PTK2B: variants seen among roughly 807,000 people sequenced by gnomAD.
PTK2B encodes the protein protein tyrosine kinase 2 beta.
A neutral mutation model predicts 142.9 loss-of-function variants in PTK2B; 71 were observed. That is an observed-to-expected ratio of 0.50 (90% confidence interval 0.41 to 0.61). PTK2B has a LOEUF of 0.61. PTK2B is among the 20% of genes least tolerant of loss of function. The pLI, the probability that PTK2B is intolerant of heterozygous loss-of-function variation, is 0.00. For synonymous variants in PTK2B, 519 were observed against 503.4 expected (o/e 1.03, Z -0.42); for missense variants, 1,105 against 1,320.4 (o/e 0.84, Z 2.53).
chr8:27,387,499 C>A (rs1306852650), intron 1 of PTK2B, among the ~76,000 whole-genome samples: 1 of 152,222 alleles, frequency 6.6e-6, no homozygotes, highest in Non-Finnish European at 1.5e-5. Context: ...ATCCATCCTG[C>A]GTTCCCATGA....
At chr8:27,374,020 A>G (rs1806515898) in intron 1 of PTK2B, among the ~76,000 whole-genome samples, 1 of 151,950 alleles carries the variant, frequency 6.6e-6, no homozygotes, top group South Asian at 2.1e-4. Context: ...CCAAGCAGAG[A>G]CCAAAGCAGT....
intron 5 of PTK2B, among the ~76,000 whole-genome samples, chr8:27,424,150 G>T (rs888229822): frequency 1.3e-5 from 2 of 151,964 alleles, no homozygotes; most frequent in Admixed American, 1.3e-4. Context: ...TTTATTTATG[G>T]ATCTCATACC....
intron 1 of PTK2B, chr8:27,380,569 T>C (rs1350879455): frequency 2.6e-5 from 4 of 152,206 alleles, no homozygotes; most frequent in Non-Finnish European, 4.4e-5. Flanking sequence ...AGCGCCTTTT[T>C]TCCCAATAAA....
chr8:27,357,576 T>C (rs897630556), intron 1 of PTK2B, among the ~76,000 whole-genome samples: 1 of 152,240 alleles, frequency 6.6e-6, no homozygotes, highest in Non-Finnish European at 1.5e-5. Context: ...GGAAATTGGG[T>C]CTCTTGTTGT....
chr8:27,420,937 C>T (rs1330153994), intron 4 of PTK2B, among the ~76,000 whole-genome samples, 193 bp downstream of exon 4: 1 of 152,188 alleles, frequency 6.6e-6, no homozygotes, highest in Admixed American at 6.5e-5. Context: ...AGTATTTAAG[C>T]ACTGGCTAAA....
chr8:27,346,317 T>C (rs1199170592), intron 1 of PTK2B, among the ~76,000 whole-genome samples: 1 of 152,122 alleles, frequency 6.6e-6, no homozygotes, highest in Admixed American at 6.6e-5. Context: ...AGGCAGATCG[T>C]TTGAACCAGG....
intron 2 of PTK2B, among the ~76,000 whole-genome samples, chr8:27,403,553 C>A (rs1240578386): frequency 5.3e-5 from 8 of 152,100 alleles, no homozygotes; most frequent in Admixed American, 2.6e-4. Flanking sequence ...TTTCTATTTC[C>A]TTTTTGTTTG....
intron 1 of PTK2B, among the ~76,000 whole-genome samples, chr8:27,362,324 G>A (rs1805759605): frequency 6.6e-6 from 1 of 152,146 alleles, no homozygotes; most frequent in African/African-American, 2.4e-5. Context: ...CTATCGGCAT[G>A]GCAGGTATGT....
intron 28 of PTK2B, 179 bp from the exon 29 acceptor site, chr8:27,453,975 A>G: frequency 1.3e-6 from 1 of 767,296 alleles, no homozygotes. Context: ...CCTGGCTGGA[A>G]ACTGCCCCAG....
intron 2 of PTK2B, among the ~76,000 whole-genome samples, chr8:27,414,488 C>T (rs540605458): frequency 8.6e-5 from 13 of 151,752 alleles, no homozygotes; most frequent in South Asian, 6.2e-4. Flanking sequence ...CCTCGTGATC[C>T]GCCCGCCTCA....
chr8:27,440,011 C>T (rs982565432), intron 20 of PTK2B, among the ~76,000 whole-genome samples: 1 of 152,130 alleles, frequency 6.6e-6, no homozygotes, highest in Non-Finnish European at 1.5e-5. Context: ...TCCTGCAGCA[C>T]CCTGACAGGG....
chr8:27,453,646 A>G (rs1811960439), intron 28 of PTK2B, among the ~76,000 whole-genome samples: 1 of 152,248 alleles, frequency 6.6e-6, no homozygotes, highest in Non-Finnish European at 1.5e-5. Context: ...CTGGGAGGCC[A>G]CAGCAGGAGG....
In PTK2B at chr8:27,397,608, G is replaced by T. The variant is rs1187878515; in HGVS notation, c.24G>T (p.Leu8=). 1.2e-6 allele frequency: 2 copies of T among 1,614,080 alleles called. No individual in the cohort carries two copies. The highest frequency in any genetic ancestry group is 3.3e-5 in the Admixed American group (2 of 60,036). MSGVSEP[L]SRVKLGTLRR... is the part of the protein sequence containing the mutation. ...GGATGTCTGGGGTGTCCGAGCCCCTGAGTCGAGTAAAGTTGGGCACGTTAC... is the reference window on the plus strand; with the variant it reads ...GGATGTCTGGGGTGTCCGAGCCCCTTAGTCGAGTAAAGTTGGGCACGTTAC... Residue 8 remains leucine, a synonymous_variant, in exon 2 of 31, where the codon CTG becomes CTT. Transcript: ENST00000346049.
intron 22 of PTK2B, 146 bp downstream of exon 22, chr8:27,443,129 G>A (rs553220320): frequency 3.7e-5 from 23 of 613,344 alleles, no homozygotes; most frequent in African/African-American, 5.6e-5. Flanking sequence ...CACTGTCAGC[G>A]TGTCACATCA....
intron 1 of PTK2B, among the ~76,000 whole-genome samples, chr8:27,343,093 A>T (rs1381198947): frequency 6.6e-6 from 1 of 152,166 alleles, no homozygotes; most frequent in East Asian, 1.9e-4. Flanking sequence ...TCGCTCAGGG[A>T]TCTACCACCC....
chr8:27,433,937 C>G (rs1008945238), intron 11 of PTK2B, among the ~76,000 whole-genome samples, 156 bp from the exon 12 acceptor site: 9 of 152,358 alleles, frequency 5.9e-5, no homozygotes, highest in African/African-American at 2.2e-4. Context: ...GATTCCACTT[C>G]TGGCCCAAGG....
At position 27,434,142 on chromosome 8, in the gene PTK2B, A is replaced by G. The variant is rs1281675181; in HGVS notation, c.1145+10A>G. On this transcript the variant is annotated intron_variant, in intron 12 of 30. Coordinates refer to ENST00000346049, the MANE Select transcript of PTK2B (RefSeq NM_173176.3). Reference sequence around the variant, plus strand: ...CCCAGATCCCCATGCTGTGAGTACAATGGGGTGCAGAGGACAGGGCCCTGA... The same window carrying G: ...CCCAGATCCCCATGCTGTGAGTACAGTGGGGTGCAGAGGACAGGGCCCTGA... The G allele has an allele frequency of 4.3e-6, 7 of 1,613,526 alleles. No homozygotes were observed. Among genetic ancestry groups the G allele is most frequent in the Middle Eastern group, 1.6e-4 (1 of 6,062 alleles).
At chr8:27,310,799 A>G (rs764333812), upstream of PTK2B, 1 of 1,580,106 alleles carries the variant, frequency 6.3e-7, no homozygotes, top group Non-Finnish European at 8.6e-7. Context: ...CGCTGCTCTT[A>G]CCCGAAAGTC....
intron 1 of PTK2B, among the ~76,000 whole-genome samples, chr8:27,389,677 T>G (rs1424904025): frequency 6.6e-6 from 1 of 152,218 alleles, no homozygotes; most frequent in Non-Finnish European, 1.5e-5. Context: ...CGTTTTGTAT[T>G]ACATTCAATT....
Sources: allele counts gnomAD v4.1 joint callset (sites outside exome capture counted in the v4.1 genomes callset), GRCh38; gene constraint gnomAD v4.1.1; transcripts MANE v1.5; gene names NCBI Gene and HGNC (gene_info 2026-07-23, HGNC 2026-07-21).